Variants in DEF8 observed in about 807,000 individuals in gnomAD.
DEF8 encodes the protein DEF-8.
DEF8 carries 38 observed loss-of-function variants against 59.1 expected under a neutral mutation model. That is an observed-to-expected ratio of 0.64 (90% CI 0.50 to 0.84). The LOEUF (loss-of-function observed/expected upper bound fraction) is 0.84, where lower values mean the gene tolerates loss of function less well. Among genes scored for constraint, DEF8 ranks in the 40% least tolerant of loss-of-function variants. The pLI is 0.00. For missense variants in DEF8, 557 were observed against 615.2 expected (o/e 0.91, Z 1.00); for synonymous variants, 265 against 250.1 (o/e 1.06, Z -0.56).
intron 1 of DEF8, among the ~76,000 whole-genome samples, 151 bp downstream of exon 1, chr16:89,948,965 C>T (rs529585635): frequency 4.9e-5 from 2 of 40,442 alleles, no homozygotes; most frequent in African/African-American, 3.2e-4. Flanking sequence ...AGGGACGGGG[C>T]CGGCGGGGAC....
rs1253244279 is a variant in DEF8 at position 89,966,866 on chromosome 16, T to C, written c.*903T>C. 1 of 157,484 alleles carries C rather than the reference T, an allele frequency of 6.3e-6. No individual in the cohort carries two copies. The highest frequency in any genetic ancestry group is 1.4e-5 in the Non-Finnish European group (1 of 71,562). 9.8% of individuals were successfully genotyped at this position (157,484 alleles called of 1,614,324 possible). On this transcript the variant is annotated 3_prime_UTR_variant, in exon 13 of 13. Transcript: ENST00000563594. ...ATTTACCTGAGGAGCTCTGTCCTGC[T>C]CCCTGTGGAGGGCTCCAGATAGCTC...
In DEF8 at chr16:89,967,652, C is replaced by T; in HGVS notation, c.*1689C>T. 1 of 396,276 alleles carries T rather than the reference C, an allele frequency of 2.5e-6. No homozygotes were observed. The highest frequency in any genetic ancestry group is 1.4e-4 in the South Asian group (1 of 7,004). The allele number at this position is 396,276 out of a possible 1,614,324, so 24.5% of individuals were successfully genotyped here. On this transcript the variant is annotated 3_prime_UTR_variant, in exon 13 of 13. Coordinates refer to ENST00000563594, the MANE Select transcript of DEF8 (RefSeq NM_001242818.2). ...GGAGGTTAAAGGCCAAATGCTGTTT[C>T]CCAACACCCCAAAGTCTGCACACGT...
At chr16:89,949,549 CG>C (rs1263789734) in intron 2 of DEF8, 36 bp downstream of exon 2, 1 of 1,613,212 alleles carries the variant, frequency 6.2e-7, no homozygotes, top group Non-Finnish European at 8.5e-7. Flanking sequence ...CTCCGCACAC[CG>C]GGGTGACTTC....
intron 12 of DEF8, among the ~76,000 whole-genome samples, chr16:89,965,202 T>C (rs2034500907): frequency 6.6e-6 from 1 of 152,248 alleles, no homozygotes; most frequent in Non-Finnish European, 1.5e-5. Context: ...CATTCTTCAG[T>C]AAGTATGATT....
intron 2 of DEF8, among the ~76,000 whole-genome samples, chr16:89,953,226 T>C (rs1182545535): frequency 6.6e-6 from 1 of 152,236 alleles, no homozygotes; most frequent in Non-Finnish European, 1.5e-5. Flanking sequence ...GCTTACTTTG[T>C]GCTCAGTCTC....
intron 1 of DEF8, among the ~76,000 whole-genome samples, 152 bp downstream of exon 1, chr16:89,948,966 C>T (rs1216054572): frequency 2.5e-5 from 1 of 39,926 alleles, no homozygotes; most frequent in Non-Finnish European, 4.3e-5. Context: ...GGGACGGGGC[C>T]GGCGGGGACG....
In DEF8 at chr16:89,964,460, C is replaced by A; in HGVS notation, c.1144-6C>A. On this transcript the variant is annotated splice_region_variant and splice_polypyrimidine_tract_variant and intron_variant, in intron 11 of 12. Transcript: ENST00000563594. ...CCGTGCCCCAACCCCACACTGTTCC[C>A]CCCAGCGGTGCCAGGCCAAGGGCTT... is the stretch of plus-strand genomic sequence containing the variant. The A allele has an allele frequency of 6.3e-7, 1 of 1,583,196 alleles. No homozygotes were observed. The highest frequency in any genetic ancestry group is 2.3e-5 in the East Asian group (1 of 42,612).
chr16:89,960,097 G>C (rs1043285195), intron 6 of DEF8, among the ~76,000 whole-genome samples: 5 of 152,352 alleles, frequency 3.3e-5, no homozygotes, highest in East Asian at 1.9e-4. Flanking sequence ...GCCAGGTGGG[G>C]CTGCAGTTCT....
In DEF8 at chr16:89,966,260, C is replaced by T. The variant is rs1358571189; in HGVS notation, c.*297C>T. ...AGGGAGCTGGGGGGACATCTCACCT[C>T]CCCCATGGCACAGAGCCCTCCACAC... On this transcript the variant is annotated 3_prime_UTR_variant, in exon 13 of 13. Transcript: ENST00000563594. 3.2e-6 allele frequency: 1 copy of T among 307,698 alleles called. No homozygotes were observed. The highest frequency in any genetic ancestry group is 2.2e-5 in the African/African-American group (1 of 45,992). 19.1% of individuals were successfully genotyped at this position (307,698 alleles called of 1,614,324 possible). A position where few individuals can be genotyped will look rare whatever the true frequency, so the allele number is the denominator to read the frequency against.
chr16:89,959,974 A>G (rs2033809299), intron 6 of DEF8, among the ~76,000 whole-genome samples: 1 of 149,120 alleles, frequency 6.7e-6, no homozygotes, highest in Non-Finnish European at 1.5e-5. Flanking sequence ...CGGTGGGGAC[A>G]GTGCTGTGGT....
Position 89,954,578 on chromosome 16 carries a change from A to G in DEF8, c.124+202A>G, listed in dbSNP as rs2032800190. 6.6e-6 allele frequency among the ~76,000 whole-genome samples: 1 copy of G among 152,142 alleles called. No individual in the cohort carries two copies. The highest frequency in any genetic ancestry group is 6.5e-5 in the Admixed American group (1 of 15,278). On this transcript the variant is annotated intron_variant, in intron 3 of 12. Coordinates refer to ENST00000563594, the MANE Select transcript of DEF8 (RefSeq NM_001242818.2). This position sits in a 1 kb window ranked among gnomAD's most constrained non-coding sequence, Gnocchi z 4.3. ...CACTAGAATTCACATTCCTGAGGGC[A>G]AGATTTGTGCCTGACCCATCACTGC... is the stretch of plus-strand genomic sequence containing the variant.
rs548904432 is a variant in DEF8 at position 89,962,154 on chromosome 16, C to T, written c.921+29C>T. On this transcript the variant is annotated intron_variant, in intron 9 of 12. Coordinates refer to ENST00000563594, the MANE Select transcript of DEF8 (RefSeq NM_001242818.2). ...AGGCTGGGGCCATGGAAGTGGGGGG[C>T]GGGGGCGCTGTGTCAGGTGGGCCCT... 4.0e-5 allele frequency: 63 copies of T among 1,584,708 alleles called. No homozygotes were observed. The Admixed American group carries it at 6.0e-4, about 15-fold the overall frequency.
chr16:89,954,081 A>C lies in DEF8; in HGVS notation c.-10-162A>C. On this transcript the variant is annotated intron_variant, in intron 2 of 12. Transcript: ENST00000563594. The surrounding 1 kb of genome is among the most constrained non-coding windows in gnomAD (Gnocchi z 4.3). ...GGGCAGGAGGCAGCTGAGGTGTTTC[A>C]GGAAAAGGCTGAAGATCAAGGCTGT... 5.6e-6 allele frequency: 4 copies of C among 716,678 alleles called. No homozygotes were observed. The highest frequency in any genetic ancestry group is 6.7e-6 in the Non-Finnish European group (3 of 447,066). 44.4% of individuals were successfully genotyped at this position (716,678 alleles called of 1,614,324 possible).
intron 2 of DEF8, among the ~76,000 whole-genome samples, chr16:89,952,028 C>T (rs1046199511): frequency 2.0e-5 from 3 of 152,162 alleles, no homozygotes; most frequent in African/African-American, 7.2e-5. Context: ...CAGGCGCCTG[C>T]CACCACACCT....
At chr16:89,959,844 C>T (rs1227668179) in intron 6 of DEF8, among the ~76,000 whole-genome samples, 1 of 152,076 alleles carries the variant, frequency 6.6e-6, no homozygotes, top group African/African-American at 2.4e-5. Context: ...GGGAGCAAGC[C>T]AAGACAATAT....
In DEF8 at chr16:89,957,448, G is replaced by A. The variant is rs746487233; in HGVS notation, c.223-63G>A. Reference sequence around the variant, plus strand: ...CTGCTCTGGGCCTGTCTCGGCGGATGGGCCTTAACAGGGAGCTCCTGCAGG... The same window carrying A: ...CTGCTCTGGGCCTGTCTCGGCGGATAGGCCTTAACAGGGAGCTCCTGCAGG... On this transcript the variant is annotated intron_variant, in intron 4 of 12. Transcript: ENST00000563594. 4.6e-6 allele frequency: 7 copies of A among 1,507,188 alleles called. No individual in the cohort carries two copies. In the East Asian group the frequency reaches 1.7e-4, roughly 37 times the overall value. The allele number at this position is 1,507,188 out of a possible 1,614,324, so 93.4% of individuals were successfully genotyped here.
chr16:89,949,736 G>A (rs2031626114), intron 2 of DEF8: 1 of 1,211,328 alleles, frequency 8.3e-7, no homozygotes, highest in African/African-American at 1.5e-5. Context: ...GCTAAGTTGT[G>A]GGGTCCTCCC....
rs1323295469 is a variant in DEF8, at chr16:89,967,818, C to T, written c.*1855C>T. ...ATTTGCTGGACAAAGGGTTGGGCCCCTTTTATTTTTACCTGCCACCCAGCA... is the reference window on the plus strand; with the variant it reads ...ATTTGCTGGACAAAGGGTTGGGCCCTTTTTATTTTTACCTGCCACCCAGCA... On this transcript the variant is annotated 3_prime_UTR_variant, in exon 13 of 13. Coordinates refer to ENST00000563594, the MANE Select transcript of DEF8 (RefSeq NM_001242818.2). 1.6e-5 allele frequency: 3 copies of T among 188,010 alleles called. No individual in the cohort carries two copies. Among genetic ancestry groups the T allele is most frequent in the Non-Finnish European group, 3.3e-5 (3 of 92,210 alleles). 11.6% of individuals were successfully genotyped at this position (188,010 alleles called of 1,614,324 possible). A position where few individuals can be genotyped will look rare whatever the true frequency, so the allele number is the denominator to read the frequency against.
chr16:89,949,565 G>C (rs1333098967), intron 2 of DEF8, 52 bp downstream of exon 2: 1 of 1,613,404 alleles, frequency 6.2e-7, no homozygotes, highest in Non-Finnish European at 8.5e-7. Flanking sequence ...GACTTCTCAG[G>C]TTCTCGGGGT....
Sources: gnomAD v4.1 joint callset for allele counts (sites outside exome capture counted in the v4.1 genomes callset) on GRCh38, gnomAD v4.1.1 for gene constraint, Gnocchi (gnomAD v3.1) non-coding constraint, MANE v1.5 for transcripts, NCBI Gene and HGNC (gene_info 2026-07-23, HGNC 2026-07-21) for gene names.